Variants in KIF14 observed in about 807,000 individuals in gnomAD.
KIF14 encodes the protein kinesin family member 14, also known as kinesin-like protein KIF14.
KIF14 carries 98 observed loss-of-function variants against 176.2 expected under a neutral mutation model. The ratio of observed to expected loss-of-function variants is 0.56; its 90% CI spans 0.47 to 0.66. KIF14 has a LOEUF of 0.66. Among genes scored for constraint, KIF14 ranks in the 30% least tolerant of loss-of-function variants. KIF14 has a pLI of 0.00. For synonymous variants in KIF14, 566 were observed against 632.2 expected, an observed-to-expected ratio of 0.90 and a Z score of 1.57; for missense variants, 1,751 against 1,920.4, an observed-to-expected ratio of 0.91 and a Z score of 1.65.
intron 21 of KIF14, among the ~76,000 whole-genome samples, chr1:200,577,990 C>T (rs747877951): frequency 3.3e-5 from 5 of 150,064 alleles, no homozygotes; most frequent in South Asian, 4.2e-4. Flanking sequence ...TGTTGATGAA[C>T]GTTTCAAATT....
chr1:200,570,672 G>T (rs1205989991), intron 22 of KIF14, among the ~76,000 whole-genome samples: 1 of 152,186 alleles, frequency 6.6e-6, no homozygotes, highest in African/African-American at 2.4e-5. Flanking sequence ...ATAAAGCTTA[G>T]ATTTTATCCT....
chr1:200,599,314 G>A (rs966833789), intron 13 of KIF14, among the ~76,000 whole-genome samples: 4 of 152,052 alleles, frequency 2.6e-5, no homozygotes, highest in Non-Finnish European at 5.9e-5. Flanking sequence ...CATATAAACT[G>A]CTTCCAGTAA....
chr1:200,575,529 A>G, intron 22 of KIF14, 62 bp downstream of exon 22: 4 of 778,180 alleles, frequency 5.1e-6, no homozygotes, highest in Non-Finnish European at 8.1e-6. Flanking sequence ...ATTTACACAC[A>G]CACACACACA....
intron 14 of KIF14, among the ~76,000 whole-genome samples, chr1:200,595,932 CAAAAA>C (rs35375679): frequency 1.9e-5 from 1 of 52,242 alleles, no homozygotes. Context: ...ACTCCATCTC[CAAAAA>C]AAAAAAAAAA....
rs770006595 is a variant in KIF14, at chr1:200,569,946, T to C, written c.3626A>G (p.His1209Arg). 4 of 1,602,584 alleles carry C rather than the reference T, an allele frequency of 2.5e-6. No individual in the cohort carries two copies. The East Asian group carries it at 8.9e-5, about 36-fold the overall frequency. Residue 1209 changes from histidine (H) to arginine (R), a missense_variant, in exon 23 of 30, where the codon CAT becomes CGT. Coordinates refer to ENST00000367350, the MANE Select transcript of KIF14 (RefSeq NM_014875.3). ...TGAAGAATGCAAATTCTTAATTGGATGGACTTGTATGTCATGTAAACAACC... is the reference window on the plus strand; with the variant it reads ...TGAAGAATGCAAATTCTTAATTGGACGGACTTGTATGTCATGTAAACAACC... ...ISGCLHDIQV[H>R]PIKNLHSSHS... is the part of the protein sequence containing the mutation.
intron 14 of KIF14, among the ~76,000 whole-genome samples, chr1:200,594,140 C>T (rs1382517389): frequency 3.3e-5 from 5 of 151,272 alleles, no homozygotes; most frequent in Non-Finnish European, 7.4e-5. Flanking sequence ...TTGCCATGTT[C>T]GCCAGGCTGG....
intron 18 of KIF14, among the ~76,000 whole-genome samples, chr1:200,586,442 T>C (rs555601010): frequency 1.3e-5 from 2 of 152,262 alleles, no homozygotes; most frequent in East Asian, 3.9e-4. Flanking sequence ...GTAAACCTCA[T>C]TTTACAGTAC....
intron 27 of KIF14, among the ~76,000 whole-genome samples, chr1:200,558,600 C>T (rs1467490831): frequency 6.6e-6 from 1 of 152,030 alleles, no homozygotes; most frequent in Admixed American, 6.6e-5. Flanking sequence ...AAAGTACAAA[C>T]CCATTATAGA....
intron 8 of KIF14, among the ~76,000 whole-genome samples, chr1:200,604,927 T>C (rs1413449632): frequency 1.3e-5 from 2 of 152,136 alleles, no homozygotes; most frequent in East Asian, 1.9e-4. Context: ...ATCATATCAA[T>C]GTTATCATGA....
chr1:200,571,126 CT>C (rs1460490618), intron 22 of KIF14, among the ~76,000 whole-genome samples: 1 of 152,030 alleles, frequency 6.6e-6, no homozygotes, highest in Non-Finnish European at 1.5e-5. Flanking sequence ...GCTCTTTTTG[CT>C]GACCTCTTTT....
intron 27 of KIF14, among the ~76,000 whole-genome samples, chr1:200,558,851 G>A (rs1055631550): frequency 1.3e-5 from 2 of 152,164 alleles, no homozygotes; most frequent in African/African-American, 4.8e-5. Flanking sequence ...TGGAGGATGG[G>A]AGGACACATA....
intron 5 of KIF14, among the ~76,000 whole-genome samples, chr1:200,607,545 T>C (rs1360613199): frequency 1.3e-5 from 2 of 152,186 alleles, no homozygotes; most frequent in African/African-American, 4.8e-5. Flanking sequence ...ATTTCAGACA[T>C]TAAAATTTTT....
At chr1:200,575,806 T>C (rs1658071378) in intron 21 of KIF14, 115 bp from the exon 22 acceptor site, 2 of 481,430 alleles carry the variant, frequency 4.2e-6, no homozygotes, top group South Asian at 5.4e-5. Flanking sequence ...TAGCAGATTA[T>C]ATATTATCTG....
Position 200,565,248 on chromosome 1 carries a change from A to G in KIF14, c.3892T>C (p.Ser1298Pro), listed in dbSNP as rs780813797. ...QDEESQDNLF[S>P]SDRAIQSLTI... is the part of the protein sequence containing the mutation. The stretch of plus-strand genomic sequence containing the variant: ...AGTGACTGGATTGCTCGATCAGAAG[A>G]AAACACTTTGAAAGAAGAAGAAAAA... The change falls in exon 25 of 30, where the codon TCT (serine) becomes CCT (proline). Residue 1298 changes from serine (S) to proline (P), a missense_variant. Transcript: ENST00000367350. The G allele has an allele frequency of 3.1e-6, 5 of 1,587,708 alleles. No homozygotes were observed. In the African/African-American group the frequency reaches 6.8e-5, roughly 22 times the overall value.
chr1:200,590,092 GA>G (rs746404926), intron 17 of KIF14, 32 bp downstream of exon 17: 757 of 1,425,450 alleles, frequency 5.3e-4, no homozygotes, highest in South Asian at 1.4e-3. Flanking sequence ...TACACTGTCG[GA>G]AAAAAAAAAT....
intron 19 of KIF14, among the ~76,000 whole-genome samples, chr1:200,583,338 AAGAG>A (rs1658561702): frequency 6.6e-6 from 1 of 152,100 alleles, no homozygotes. Context: ...GTGACAGAGA[AAGAG>A]AGAGAGGGAG....
At chr1:200,589,017 C>T (rs141379827) in intron 18 of KIF14, among the ~76,000 whole-genome samples, 200 bp downstream of exon 18, 1 of 152,166 alleles carries the variant, frequency 6.6e-6, no homozygotes, top group African/African-American at 2.4e-5. Flanking sequence ...ATGGAAATAA[C>T]TCTGTCACTT....
intron 6 of KIF14, 121 bp downstream of exon 6, chr1:200,606,625 T>C: frequency 1.2e-6 from 1 of 848,968 alleles, no homozygotes; most frequent in South Asian, 1.4e-5. Flanking sequence ...GCTAAATAAA[T>C]AGTTACCCAG....
chr1:200,574,937 A>ATTTTTTTTTTTTTTTTTTTTTTTTTTTTT (rs35584654), intron 22 of KIF14, among the ~76,000 whole-genome samples: 2 of 110,682 alleles, frequency 1.8e-5, no homozygotes, highest in Non-Finnish European at 1.8e-5. Context: ...AGAAAGGGTA[A>ATTTTTTTTTTTTTTTTTTTTTTTTTTTTT]TTTTTTTTTT....
Sources: gnomAD v4.1 joint callset for allele counts (sites outside exome capture counted in the v4.1 genomes callset) on GRCh38, gnomAD v4.1.1 for gene constraint, MANE v1.5 for transcripts, NCBI Gene and HGNC (gene_info 2026-07-23, HGNC 2026-07-21) for gene names.